Variants in SYNE2 observed in about 807,000 individuals in gnomAD.
SYNE2 encodes the protein spectrin repeat containing nuclear envelope protein 2, also known as nesprin-2.
In SYNE2, 431 loss-of-function variants were observed where a neutral mutation model predicts 856.3. That is an observed-to-expected ratio of 0.50 (90% CI 0.47 to 0.55). The LOEUF is 0.55. Ranked by LOEUF, SYNE2 falls within the 20% of genes least tolerant of loss-of-function variation. The pLI is 0.00. For synonymous variants in SYNE2, 2,923 were observed against 2,872.3 expected (o/e 1.02, Z -0.56); for missense variants, 8,129 against 8,023.2 (o/e 1.01, Z -0.50).
Position 64,225,697 on chromosome 14 carries a change from T to C in SYNE2, c.*171T>C, listed in dbSNP as rs960500976. ...CCTGGAGCCCAGGGCAGCTTTCAGA[T>C]TGTGTTCCTCCCCAGGAGCAGGGAA... On this transcript the variant is annotated 3_prime_UTR_variant, in exon 116 of 116. Coordinates refer to ENST00000555002, the MANE Select transcript of SYNE2 (RefSeq NM_182914.3). The C allele has an allele frequency of 6.7e-6, 5 of 741,990 alleles. No individual in the cohort carries two copies. The highest frequency in any genetic ancestry group is 1.7e-5 in the African/African-American group (1 of 57,494). The allele number at this position is 741,990 out of a possible 1,614,324, so 46.0% of individuals were successfully genotyped here.
At chr14:63,975,012 G>C (rs77286436) in intron 11 of SYNE2, among the ~76,000 whole-genome samples, 2,904 of 149,518 alleles carry the variant, frequency 0.019, 88 homozygotes, top group African/African-American at 0.067. Context: ...GCTCTGTGAC[G>C]TCACTTAACA....
chr14:63,892,144 T>A (rs2140947831), intron 1 of SYNE2, among the ~76,000 whole-genome samples: 1 of 152,262 alleles, frequency 6.6e-6, no homozygotes, highest in South Asian at 2.1e-4. Context: ...CAATCCTTCA[T>A]CAGTGGGAAA....
chr14:64,138,586 G>A (rs1471641762), intron 79 of SYNE2, among the ~76,000 whole-genome samples: 2 of 152,008 alleles, frequency 1.3e-5, no homozygotes, highest in Admixed American at 6.6e-5. Context: ...TAATATATAG[G>A]TTACCTTTAT....
intron 1 of SYNE2, among the ~76,000 whole-genome samples, chr14:63,818,194 G>C (rs1166019471): frequency 2.0e-5 from 3 of 151,820 alleles, no homozygotes; most frequent in African/African-American, 7.3e-5. Flanking sequence ...AATTAGCTGG[G>C]CATGGTGGCA....
intron 2 of SYNE2, among the ~76,000 whole-genome samples, chr14:63,923,827 G>T (rs1485698674): frequency 1.6e-4 from 24 of 150,344 alleles, no homozygotes; most frequent in Non-Finnish European, 1.8e-4. Flanking sequence ...TTGAGACAGT[G>T]TCTCACTGTC....
At chr14:63,846,959 T>A (rs1890245542) in intron 1 of SYNE2, among the ~76,000 whole-genome samples, 1 of 151,670 alleles carries the variant, frequency 6.6e-6, no homozygotes, top group African/African-American at 2.4e-5. Context: ...TGTTACTGAT[T>A]TCTAGTTTTA....
chr14:63,831,402 A>G (rs566817785), intron 1 of SYNE2, among the ~76,000 whole-genome samples: 5 of 152,090 alleles, frequency 3.3e-5, no homozygotes, highest in African/African-American at 1.2e-4. Flanking sequence ...AAGTCTGAAC[A>G]TGATTTGATT....
At chr14:63,950,935 G>A (rs571642159) in intron 7 of SYNE2, among the ~76,000 whole-genome samples, 2 of 152,152 alleles carry the variant, frequency 1.3e-5, no homozygotes, top group South Asian at 4.2e-4. Flanking sequence ...GGGATTACAG[G>A]TGTGAGCTAC....
intron 1 of SYNE2, among the ~76,000 whole-genome samples, chr14:63,890,361 C>T (rs2095103616): frequency 6.6e-6 from 1 of 152,166 alleles, no homozygotes; most frequent in African/African-American, 2.4e-5. Context: ...CTGCGCTCGG[C>T]TATTAAGGGG....
chr14:64,173,914 A>G, intron 94 of SYNE2: 1 of 693,504 alleles, frequency 1.4e-6, no homozygotes. Context: ...CCATGTAGCC[A>G]GGTGTGGTGG....
rs372802910 is a variant in SYNE2 at position 64,214,361 on chromosome 14, C to T, written c.19224C>T (p.Thr6408=). The change falls in exon 106 of 116, where the codon ACC becomes ACT. Residue 6408 remains threonine, a synonymous_variant. Coordinates refer to ENST00000555002, the MANE Select transcript of SYNE2 (RefSeq NM_182914.3). The stretch of plus-strand genomic sequence containing the variant: ...GGCACGAGCGGTCTGGCTGCGAGAC[C>T]CCTGTCAGCGTGGACTCCATCCCCC... ...APGHERSGCE[T]PVSVDSIPLE... is the part of the protein sequence containing the mutation. 2.5e-6 allele frequency: 4 copies of T among 1,613,990 alleles called. No individual in the cohort carries two copies. In the African/African-American group the frequency reaches 4.0e-5, roughly 16 times the overall value.
intron 1 of SYNE2, among the ~76,000 whole-genome samples, chr14:63,854,644 C>T (rs1299022670): frequency 6.6e-6 from 1 of 152,162 alleles, no homozygotes; most frequent in Non-Finnish European, 1.5e-5. Context: ...TTTGAATTAA[C>T]AAAGCTTATC....
chr14:63,919,404 G>A (rs1030696784), intron 2 of SYNE2, among the ~76,000 whole-genome samples: 4 of 152,166 alleles, frequency 2.6e-5, no homozygotes, highest in African/African-American at 4.8e-5. Flanking sequence ...GCATGGAAGC[G>A]GGTCCAATCT....
rs1283489705 is a variant in SYNE2, at chr14:64,007,233, A to G, written c.4577+11A>G. 2 of 1,613,366 alleles carry G rather than the reference A, an allele frequency of 1.2e-6. No individual in the cohort carries two copies. The highest frequency in any genetic ancestry group is 1.7e-6 in the Non-Finnish European group (2 of 1,179,314). Reference sequence around the variant, plus strand: ...CTTGGTCACCGAATGGTAAGGAAAAAAAAGAATCCCTCTTGAATCTGAAAA... The same window carrying G: ...CTTGGTCACCGAATGGTAAGGAAAAGAAAGAATCCCTCTTGAATCTGAAAA... On this transcript the variant is annotated intron_variant, in intron 31 of 115. Coordinates refer to ENST00000555002, the MANE Select transcript of SYNE2 (RefSeq NM_182914.3).
intron 110 of SYNE2, among the ~76,000 whole-genome samples, chr14:64,220,180 G>C (rs115909440): frequency 6.6e-6 from 1 of 152,188 alleles, no homozygotes; most frequent in African/African-American, 2.4e-5. Context: ...GCCAGTTGCA[G>C]AGCGGGGCCT....
intron 55 of SYNE2, among the ~76,000 whole-genome samples, chr14:64,079,621 T>G (rs1033618559): frequency 2.0e-5 from 3 of 152,254 alleles, no homozygotes; most frequent in African/African-American, 7.2e-5. Flanking sequence ...AACCTATTGG[T>G]TTCTTGAGTC....
Position 64,125,127 on chromosome 14 carries a change from A to G in SYNE2, c.13471A>G (p.Arg4491Gly), listed in dbSNP as rs1031057898. The G allele has an allele frequency of 6.2e-7, 1 of 1,614,222 alleles. No homozygotes were observed. Among genetic ancestry groups the G allele is most frequent in the South Asian group, 1.1e-5 (1 of 91,082 alleles). ...ACCCAGCGTGACTATGTATAACTTT[A>G]GATACCCAACAACTGAAGAACTGAA... ...ILPSVTMYNF[R>G]YPTTEELKTY... Residue 4491 changes from arginine to glycine, a missense_variant, in exon 71 of 116, where the codon AGA becomes GGA. Arg to Gly is a moderately radical substitution (Grantham distance 125). Around this residue, in one of 3 missense-constraint regions of SYNE2, gnomAD observed 5,410 missense variants for 5,284.8 expected, o/e 1.02. Coordinates refer to ENST00000555002, the MANE Select transcript of SYNE2 (RefSeq NM_182914.3).
intron 109 of SYNE2, 38 bp from the exon 110 acceptor site, chr14:64,219,170 A>G (rs2098682376): frequency 2.6e-6 from 4 of 1,553,232 alleles, no homozygotes; most frequent in Non-Finnish European, 3.5e-6. Context: ...AATCTGTTGC[A>G]TTATTGCTTT....
intron 61 of SYNE2, among the ~76,000 whole-genome samples, chr14:64,093,785 A>G (rs1307858107): frequency 1.3e-5 from 2 of 152,202 alleles, no homozygotes. Context: ...GGGCTGCCGC[A>G]TCTCCTTCTT....
Sources: allele counts gnomAD v4.1 joint callset (sites outside exome capture counted in the v4.1 genomes callset), GRCh38; gene constraint gnomAD v4.1.1; regional missense constraint gnomAD v4.1.1; transcripts MANE v1.5; gene names NCBI Gene and HGNC (gene_info 2026-07-23, HGNC 2026-07-21).